TNR: variants seen among roughly 807,000 people sequenced by gnomAD.
The protein encoded by TNR is tenascin-R.
A neutral mutation model predicts 150.4 loss-of-function variants in TNR; 45 were observed. That is an observed-to-expected ratio of 0.30 (90% CI 0.24 to 0.38). The LOEUF (loss-of-function observed/expected upper bound fraction) is 0.38. Ranked by LOEUF, TNR falls within the 10% of genes least tolerant of loss-of-function variation. TNR has a pLI of 1.00. For synonymous variants in TNR, 687 were observed against 678.4 expected (o/e 1.01, Z -0.20); for missense variants, 1,544 against 1,759.1 (o/e 0.88, Z 2.19).
At chr1:175,452,860 T>C (rs859458) in intron 2 of TNR, among the ~76,000 whole-genome samples, 11,039 of 152,222 alleles carry the variant, frequency 0.073, 514 homozygotes, top group African/African-American at 0.13. Context: ...TACCATAGCA[T>C]ACTATTCAGT....
intron 15 of TNR, among the ~76,000 whole-genome samples, chr1:175,358,596 T>A (rs1262919861): frequency 6.6e-6 from 1 of 152,208 alleles, no homozygotes; most frequent in Non-Finnish European, 1.5e-5. Flanking sequence ...TGTCTTCTGG[T>A]ATCTTTGTTC....
At chr1:175,562,694 T>C (rs1024104059) in intron 1 of TNR, among the ~76,000 whole-genome samples, 1 of 152,162 alleles carries the variant, frequency 6.6e-6, no homozygotes, top group Admixed American at 6.5e-5. Flanking sequence ...TGGGGCTCAG[T>C]AGAGGCCACT....
chr1:175,667,479 C>T (rs942739110), intron 1 of TNR, among the ~76,000 whole-genome samples: 1 of 152,210 alleles, frequency 6.6e-6, no homozygotes, highest in African/African-American at 2.4e-5. Flanking sequence ...TAAGCACCTG[C>T]TATGTGCTGG....
At chr1:175,567,647 G>T (rs1661695901) in intron 1 of TNR, among the ~76,000 whole-genome samples, 1 of 152,184 alleles carries the variant, frequency 6.6e-6, no homozygotes, top group South Asian at 2.1e-4. Flanking sequence ...GGAAGAGAGT[G>T]GGGAGTGAGA....
chr1:175,337,765 G>A, intron 18 of TNR, 86 bp from the exon 19 acceptor site: 3 of 1,465,974 alleles, frequency 2.0e-6, no homozygotes, highest in Non-Finnish European at 1.9e-6. Flanking sequence ...GTCTTAGCAG[G>A]CCTCCTGGTA....
chr1:175,402,034 G>A (rs892999867), intron 4 of TNR, among the ~76,000 whole-genome samples: 22 of 152,134 alleles, frequency 1.4e-4, no homozygotes, highest in African/African-American at 4.1e-4. Flanking sequence ...CAGGCCGGGC[G>A]CGGTGGCTCA....
intron 1 of TNR, among the ~76,000 whole-genome samples, chr1:175,580,436 A>T (rs1045101976): frequency 6.6e-6 from 1 of 152,224 alleles, no homozygotes; most frequent in African/African-American, 2.4e-5. Flanking sequence ...GAGGGCTGTC[A>T]TTCAAAGCAA....
At chr1:175,511,628 G>A (rs1308185729) in intron 2 of TNR, among the ~76,000 whole-genome samples, 1 of 152,128 alleles carries the variant, frequency 6.6e-6, no homozygotes, top group Admixed American at 6.5e-5. Context: ...GAGAGGCAGG[G>A]GTCTGAGCAG....
chr1:175,579,440 G>C (rs977669220), intron 1 of TNR, among the ~76,000 whole-genome samples: 2 of 151,996 alleles, frequency 1.3e-5, no homozygotes, highest in Non-Finnish European at 2.9e-5. Context: ...AGATAGGTGG[G>C]ACTGGCAGAC....
At chr1:175,570,417 T>A (rs1215435922) in intron 1 of TNR, among the ~76,000 whole-genome samples, 2 of 152,102 alleles carry the variant, frequency 1.3e-5, no homozygotes, top group East Asian at 1.9e-4. Context: ...CATTACCACT[T>A]GGAGAGGGTG....
intron 1 of TNR, among the ~76,000 whole-genome samples, chr1:175,710,174 C>A (rs986938631): frequency 9.2e-5 from 14 of 152,070 alleles, no homozygotes; most frequent in African/African-American, 3.4e-4. Context: ...CAGGGAGCTA[C>A]TGACATTGTC....
At chr1:175,472,351 A>T (rs1657332774) in intron 2 of TNR, among the ~76,000 whole-genome samples, 1 of 152,064 alleles carries the variant, frequency 6.6e-6, no homozygotes, top group Non-Finnish European at 1.5e-5. Flanking sequence ...CATTAACTTT[A>T]AAAAAAATAA....
At chr1:175,390,378 C>G (rs1361521419) in intron 7 of TNR, among the ~76,000 whole-genome samples, 1 of 152,226 alleles carries the variant, frequency 6.6e-6, no homozygotes, top group Admixed American at 6.5e-5. Context: ...ATTTCTGTTA[C>G]TGACAGAGAA....
chr1:175,569,441 C>T (rs1558011688), intron 1 of TNR, among the ~76,000 whole-genome samples: 1 of 152,298 alleles, frequency 6.6e-6, no homozygotes, highest in East Asian at 1.9e-4. Context: ...TAGCTGATGC[C>T]AGGCAAGCTG....
At position 175,731,100 on chromosome 1, in the gene TNR, C is replaced by T. The variant is rs34993208; in HGVS notation, c.-165+12126G>A. On this transcript the variant is annotated intron_variant, in intron 1 of 22. Transcript: ENST00000367674. ...GCCTGGTGCCAAAGTCTCTAAATGA[C>T]ACCCCAGGCCCTGCCCAGTATCCAC... Among the ~76,000 whole-genome samples the T allele has an allele frequency of 8.5e-3, 1,288 of 152,312 alleles. 5 individuals are homozygous for T. Among genetic ancestry groups the T allele is most frequent in the Non-Finnish European group, 0.013 (918 of 68,022 alleles).
intron 1 of TNR, among the ~76,000 whole-genome samples, chr1:175,697,967 C>A (rs1666582557): frequency 1.3e-5 from 2 of 152,232 alleles, no homozygotes; most frequent in African/African-American, 2.4e-5. Flanking sequence ...ATCATGAGAA[C>A]CTCTCCGACT....
chr1:175,409,155 A>G (rs1298064726), intron 2 of TNR, among the ~76,000 whole-genome samples: 1 of 152,196 alleles, frequency 6.6e-6, no homozygotes, highest in Non-Finnish European at 1.5e-5. Flanking sequence ...AGTCTCCAGA[A>G]ACAGCTCTGC....
At chr1:175,677,781 G>C (rs115684594) in intron 1 of TNR, among the ~76,000 whole-genome samples, 1,946 of 152,142 alleles carry the variant, frequency 0.013, 42 homozygotes, top group African/African-American at 0.043. Context: ...TATTAACTGG[G>C]AATTAAAAAT....
chr1:175,583,054 T>C (rs1003729484), intron 1 of TNR, among the ~76,000 whole-genome samples: 14 of 152,154 alleles, frequency 9.2e-5, no homozygotes, highest in Non-Finnish European at 1.3e-4. Context: ...TTTTGTTTAT[T>C]ACAAATTACT....
Sources: gnomAD v4.1 joint callset for allele counts (sites outside exome capture counted in the v4.1 genomes callset) on GRCh38, gnomAD v4.1.1 for gene constraint, MANE v1.5 for transcripts, NCBI Gene and HGNC (gene_info 2026-07-23, HGNC 2026-07-21) for gene names.